The following ANKH variants were observed in gnomAD, a reference collection of about 807,000 sequenced individuals.
The protein encoded by ANKH is ANKH inorganic pyrophosphate transport regulator.
Under a neutral mutation model 49.0 loss-of-function variants are expected in ANKH, and 15 were observed. The observed-to-expected ratio is 0.31, with a 90% CI of 0.20 to 0.47. ANKH has a LOEUF of 0.47. Ranked by LOEUF, ANKH falls within the 20% of genes least tolerant of loss-of-function variation. The probability of loss-of-function intolerance (pLI) is 1.00; values close to 1 mark genes in which losing one functional copy is unlikely to be tolerated. For missense variants in ANKH, 429 were observed against 652.0 expected, an observed-to-expected ratio of 0.66 and a Z score of 3.72; for synonymous variants, 273 against 260.0, an observed-to-expected ratio of 1.05 and a Z score of -0.48.
chr5:14,819,924 C>CAG (rs1247519762), intron 1 of ANKH, among the ~76,000 whole-genome samples: 5 of 151,648 alleles, frequency 3.3e-5, no homozygotes, highest in Non-Finnish European at 7.4e-5. Flanking sequence ...CACACACACA[C>CAG]ACACACACAC....
rs144646845 is a variant in ANKH, at chr5:14,727,147, G to A, written c.1012-10312C>T. The stretch of plus-strand genomic sequence containing the variant: ...TAGATGAAAAATGACATCTATTACT[G>A]AGAGAAACAGAGCTTGGTTTTCTAA... On this transcript the variant is annotated intron_variant, in intron 8 of 11. Coordinates refer to ENST00000284268, the MANE Select transcript of ANKH (RefSeq NM_054027.6). Among the ~76,000 whole-genome samples the A allele has an allele frequency of 6.9e-3, 1,044 of 152,262 alleles. 12 individuals are homozygous for A. The highest frequency in any genetic ancestry group is 0.023 in the African/African-American group (976 of 41,548).
chr5:14,711,057 C>A lies in ANKH; in HGVS notation c.*140G>T, dbSNP rs868824279. 7.6e-6 allele frequency: 6 copies of A among 785,502 alleles called. No homozygotes were observed. The African/African-American group carries it at 8.4e-5, about 11-fold the overall frequency. The allele number at this position is 785,502 out of a possible 1,614,324, so 48.7% of individuals were successfully genotyped here. On this transcript the variant is annotated 3_prime_UTR_variant, in exon 12 of 12. Transcript: ENST00000284268. ...TACCCAGTATGCTAGAGAATTGACA[C>A]GAAACCTTTAAATCAAGGCCTCTTT...
intron 1 of ANKH, among the ~76,000 whole-genome samples, chr5:14,858,518 T>TC (rs1735360685): frequency 6.6e-6 from 1 of 152,046 alleles, no homozygotes; most frequent in African/African-American, 2.4e-5. Flanking sequence ...GAGTTTGAGA[T>TC]AAGCCTGGCC....
chr5:14,750,372 A>G (rs4702047), intron 5 of ANKH, among the ~76,000 whole-genome samples: 49,983 of 152,042 alleles, frequency 0.33, 9,681 homozygotes, highest in African/African-American at 0.55. Context: ...TTTCTTATTC[A>G]ACTTTCAGGG....
intron 3 of ANKH, among the ~76,000 whole-genome samples, chr5:14,756,276 G>T (rs185967586): frequency 6.6e-6 from 1 of 152,196 alleles, no homozygotes; most frequent in Non-Finnish European, 1.5e-5. Context: ...TCTCTCAAGC[G>T]TCTCAGTCCC....
At position 14,713,906 on chromosome 5, in the gene ANKH, A is replaced by G. The variant is rs376842589; in HGVS notation, c.1142-239T>C. Among the ~76,000 whole-genome samples the G allele has an allele frequency of 1.6e-4, 24 of 152,338 alleles. 3 individuals are homozygous for G. The highest frequency in any genetic ancestry group is 5.5e-4 in the African/African-American group (23 of 41,580). ...TGGATCTAAATGGCTGGGACCAGGC[A>G]GGCTCCTTTCTCCACTGGGACAGCA... On this transcript the variant is annotated intron_variant, in intron 9 of 11. Transcript: ENST00000284268. This position sits in a 1 kb window ranked among gnomAD's most constrained non-coding sequence, Gnocchi z 4.4.
chr5:14,786,302 G>A (rs554700267), intron 1 of ANKH, among the ~76,000 whole-genome samples: 1 of 152,196 alleles, frequency 6.6e-6, no homozygotes, highest in Admixed American at 6.5e-5. Context: ...AAATGGAGAG[G>A]CAAACTATGT....
chr5:14,859,033 C>T (rs990680632), intron 1 of ANKH, among the ~76,000 whole-genome samples: 1 of 151,820 alleles, frequency 6.6e-6, no homozygotes, highest in Non-Finnish European at 1.5e-5. Flanking sequence ...ATAAAATATA[C>T]ATAAAAATGT....
At chr5:14,822,582 C>A (rs1741227243) in intron 1 of ANKH, among the ~76,000 whole-genome samples, 1 of 152,170 alleles carries the variant, frequency 6.6e-6, no homozygotes, top group African/African-American at 2.4e-5. Context: ...TAGTGGCCTT[C>A]ATTTTTCATG....
intron 1 of ANKH, chr5:14,868,713 T>A (rs1202941754): frequency 2.0e-5 from 3 of 151,792 alleles, no homozygotes; most frequent in Non-Finnish European, 4.4e-5. Context: ...CTGGCCTTTT[T>A]TTTTTTTTAA....
chr5:14,798,950 C>CAGT (rs1740481038), intron 1 of ANKH, among the ~76,000 whole-genome samples: 1 of 152,194 alleles, frequency 6.6e-6, no homozygotes, highest in Non-Finnish European at 1.5e-5. Context: ...GGCTTGCTAC[C>CAGT]AGCTCAGGCC....
At chr5:14,742,657 G>A (rs73048853) in intron 7 of ANKH, among the ~76,000 whole-genome samples, 2,766 of 152,276 alleles carry the variant, frequency 0.018, 32 homozygotes, top group Non-Finnish European at 0.024. Flanking sequence ...CCTGTCATGC[G>A]TCCAACCCCG....
chr5:14,718,232 G>A (rs1291474530), intron 8 of ANKH, among the ~76,000 whole-genome samples: 1 of 152,004 alleles, frequency 6.6e-6, no homozygotes, highest in African/African-American at 2.4e-5. Context: ...CTCCAGATAA[G>A]GTAAAATGGG....
At chr5:14,813,195 C>G (rs543105931) in intron 1 of ANKH, among the ~76,000 whole-genome samples, 1 of 151,710 alleles carries the variant, frequency 6.6e-6, no homozygotes, top group Non-Finnish European at 1.5e-5. Flanking sequence ...GAGCTATGAT[C>G]AGGCCACTGC....
chr5:14,769,234 C>T (rs2126512007), intron 1 of ANKH, 43 bp from the exon 2 acceptor site: 1 of 1,505,154 alleles, frequency 6.6e-7, no homozygotes, highest in Non-Finnish European at 9.1e-7. Context: ...GAAATGTCAT[C>T]TCTTCTCTGG....
chr5:14,724,685 A>G, intron 8 of ANKH: 1 of 501,174 alleles, frequency 2.0e-6, no homozygotes, highest in Non-Finnish European at 2.6e-6. Context: ...CCTGGGGACA[A>G]TCTGAGTCTC....
intron 8 of ANKH, chr5:14,724,480 C>T: frequency 3.4e-6 from 3 of 891,822 alleles, no homozygotes; most frequent in South Asian, 1.0e-4. Flanking sequence ...ATATTAAGGT[C>T]CCCCAATAGG....
intron 1 of ANKH, among the ~76,000 whole-genome samples, chr5:14,787,858 G>C (rs1272764445): frequency 6.6e-6 from 1 of 152,140 alleles, no homozygotes; most frequent in Admixed American, 6.6e-5. Flanking sequence ...TTATGTGCTG[G>C]TCAAAAGACA....
chr5:14,777,210 C>T (rs113224484), intron 1 of ANKH, among the ~76,000 whole-genome samples: 3 of 152,260 alleles, frequency 2.0e-5, no homozygotes, highest in African/African-American at 2.4e-5. Context: ...TGCTTGAACA[C>T]GGGAGGTGGA....
Sources: gnomAD v4.1 joint callset for allele counts (sites outside exome capture counted in the v4.1 genomes callset) on GRCh38, gnomAD v4.1.1 for gene constraint, Gnocchi (gnomAD v3.1) non-coding constraint, MANE v1.5 for transcripts, NCBI Gene and HGNC (gene_info 2026-07-23, HGNC 2026-07-21) for gene names.